The following DSCAM variants were observed in gnomAD, a reference collection of about 807,000 sequenced individuals.
The protein encoded by DSCAM is cell adhesion molecule DSCAM.
A neutral mutation model predicts 217.7 loss-of-function variants in DSCAM; 47 were observed. The ratio of observed to expected loss-of-function variants is 0.22; its 90% CI spans 0.17 to 0.28. DSCAM has a LOEUF of 0.28. DSCAM is among the 10% of genes least tolerant of loss of function. DSCAM has a pLI of 1.00. For synonymous variants in DSCAM, 1,056 were observed against 1,015.3 expected (o/e 1.04, Z -0.76); for missense variants, 2,080 against 2,618.3 (o/e 0.79, Z 4.49).
intron 1 of DSCAM, among the ~76,000 whole-genome samples, chr21:40,797,450 C>T (rs1031920335): frequency 2.0e-5 from 3 of 152,222 alleles, no homozygotes; most frequent in Admixed American, 2.0e-4. Flanking sequence ...GTGGAACAAC[C>T]ACTTGTGCAT....
At chr21:40,251,872 AAAAC>A (rs1255679250) in intron 11 of DSCAM, among the ~76,000 whole-genome samples, 1 of 152,198 alleles carries the variant, frequency 6.6e-6, no homozygotes, top group African/African-American at 2.4e-5. Flanking sequence ...AAAACAAAAC[AAAAC>A]AAACAAACGA....
At chr21:40,775,815 G>T (rs371252894) in intron 1 of DSCAM, among the ~76,000 whole-genome samples, 1 of 149,882 alleles carries the variant, frequency 6.7e-6, no homozygotes, top group Non-Finnish European at 1.5e-5. Flanking sequence ...ATCTGTGAAA[G>T]ATGCAATTTC....
intron 2 of DSCAM, among the ~76,000 whole-genome samples, chr21:40,697,344 T>A (rs1451627570): frequency 6.6e-6 from 1 of 152,212 alleles, no homozygotes; most frequent in Non-Finnish European, 1.5e-5. Flanking sequence ...CTTGATGTAA[T>A]CCTATTTGTC....
At position 40,089,944 on chromosome 21, in the gene DSCAM, G is replaced by C. The variant is rs116395634; in HGVS notation, c.3851-2657C>G. Among the ~76,000 whole-genome samples, 378 of 152,264 alleles carry C rather than the reference G, an allele frequency of 2.5e-3. 2 individuals are homozygous for C. The highest frequency in any genetic ancestry group is 8.7e-3 in the African/African-American group (363 of 41,548). On this transcript the variant is annotated intron_variant, in intron 21 of 32. Transcript: ENST00000400454. Reference sequence around the variant, plus strand: ...TAGGATCATCAACCTCAATTGAACTGTCAGCACTCCCTGCTGGTCTTACTG... The same window carrying C: ...TAGGATCATCAACCTCAATTGAACTCTCAGCACTCCCTGCTGGTCTTACTG...
chr21:40,138,483 GGTGTGTGTGGT>G (rs1169255352), intron 18 of DSCAM, among the ~76,000 whole-genome samples: 1 of 147,832 alleles, frequency 6.8e-6, no homozygotes, highest in African/African-American at 2.5e-5. Context: ...GTGTATTGGG[GGTGTGTGTGGT>G]GTGTGTGTGT....
In DSCAM at chr21:40,360,121, G is replaced by GTTTTTTTTTTTTTT. The variant is rs764160478; in HGVS notation, c.656-6379_656-6378insAAAAAAAAAAAAAA. Among the ~76,000 whole-genome samples, 10 of 82,632 alleles carry GTTTTTTTTTTTTTT rather than the reference G, an allele frequency of 1.2e-4. 5 individuals are homozygous for GTTTTTTTTTTTTTT. Among genetic ancestry groups the GTTTTTTTTTTTTTT allele is most frequent in the South Asian group, 8.3e-4 (2 of 2,414 alleles). 54.2% of individuals were successfully genotyped at this position (82,632 alleles called of 152,430 possible). On this transcript the variant is annotated intron_variant, in intron 4 of 32. Coordinates refer to ENST00000400454, the MANE Select transcript of DSCAM (RefSeq NM_001389.5). ...TAGTGAGCATGGTACTTCATAGGTAGTCTTTTTTTTTTTTTTTTTTTTTTT... is the reference window on the plus strand; with the variant it reads ...TAGTGAGCATGGTACTTCATAGGTAGTTTTTTTTTTTTTTTCTTTTTTTTTTTTTTTTTTTTTTT...
At chr21:40,089,893 A>G (rs1359496396) in intron 21 of DSCAM, among the ~76,000 whole-genome samples, 2 of 152,164 alleles carry the variant, frequency 1.3e-5, no homozygotes, top group African/African-American at 4.8e-5. Flanking sequence ...TCCACGCAAT[A>G]GAGCATTTGG....
At position 40,271,970 on chromosome 21, in the gene DSCAM, G is replaced by A. The variant is rs147456412; in HGVS notation, c.2356+4127C>T. Among the ~76,000 whole-genome samples, 49 of 152,084 alleles carry A rather than the reference G, an allele frequency of 3.2e-4. No individual in the cohort carries two copies. In the East Asian group the frequency reaches 8.3e-3, roughly 26 times the overall value. ...ATTTGGAGCCCTCAAAATCACCTTC[G>A]GAGAAAGGAATAGACCTGTCTCCTG... On this transcript the variant is annotated intron_variant, in intron 11 of 32. Coordinates refer to ENST00000400454, the MANE Select transcript of DSCAM (RefSeq NM_001389.5).
intron 3 of DSCAM, among the ~76,000 whole-genome samples, chr21:40,413,655 C>A (rs138862916): frequency 6.6e-6 from 1 of 152,280 alleles, no homozygotes; most frequent in Non-Finnish European, 1.5e-5. Context: ...ATGACTGAAA[C>A]AACTTTGAAT....
At position 40,142,648 on chromosome 21, in the gene DSCAM, A is replaced by C. The variant is rs774901667; in HGVS notation, c.3316T>G (p.Ser1106Ala). The change falls in exon 18 of 33, where the codon TCA (serine) becomes GCA (alanine). Residue 1106 changes from serine to alanine, a missense_variant. Around this residue, in one of 5 missense-constraint regions of DSCAM, gnomAD observed 1,144 missense variants for 1,421.1 expected, o/e 0.81. Coordinates refer to ENST00000400454, the MANE Select transcript of DSCAM (RefSeq NM_001389.5). ...QAIATSPESI[S>A]ISWSTLSKEA... is the part of the protein sequence containing the mutation. ...TTGGAAAGTGTGGACCAGGATATTGATATGCTTTCTGGTGATGTTGCTATG... is the reference window on the plus strand; with the variant it reads ...TTGGAAAGTGTGGACCAGGATATTGCTATGCTTTCTGGTGATGTTGCTATG... 71 of 1,614,064 alleles carry C rather than the reference A, an allele frequency of 4.4e-5. No homozygotes were observed. Among genetic ancestry groups the C allele is most frequent in the Non-Finnish European group, 7.6e-6 (9 of 1,180,038 alleles).
At chr21:40,471,495 A>C (rs953834161) in intron 3 of DSCAM, among the ~76,000 whole-genome samples, 3 of 152,226 alleles carry the variant, frequency 2.0e-5, no homozygotes, top group African/African-American at 7.2e-5. Flanking sequence ...CTAGGGTTAC[A>C]GTCTGCTCCG....
intron 3 of DSCAM, among the ~76,000 whole-genome samples, chr21:40,505,684 G>A (rs956291867): frequency 2.6e-5 from 4 of 152,184 alleles, no homozygotes; most frequent in African/African-American, 9.6e-5. Flanking sequence ...GGTACAGGGT[G>A]GCTGTCAGAA....
At chr21:40,546,766 A>C (rs2076586468) in intron 3 of DSCAM, among the ~76,000 whole-genome samples, 2 of 152,194 alleles carry the variant, frequency 1.3e-5, no homozygotes, top group Admixed American at 1.3e-4. Flanking sequence ...GTCTCATTTA[A>C]TATTTATTGG....
At position 40,112,565 on chromosome 21, in the gene DSCAM, T is replaced by G. The variant is rs886212723; in HGVS notation, c.3696+11630A>C. Reference sequence around the variant, plus strand: ...AGCAGAAGGCAAGAAATAGCTAAGATCAGAGCAGAACTGAATGAAATAGAG... The same window carrying G: ...AGCAGAAGGCAAGAAATAGCTAAGAGCAGAGCAGAACTGAATGAAATAGAG... On this transcript the variant is annotated intron_variant, in intron 20 of 32. Coordinates refer to ENST00000400454, the MANE Select transcript of DSCAM (RefSeq NM_001389.5). Among the ~76,000 whole-genome samples, 31 of 152,070 alleles carry G rather than the reference T, an allele frequency of 2.0e-4. 1 individual carries two copies. Among genetic ancestry groups the G allele is most frequent in the Admixed American group, 2.0e-3 (30 of 15,278 alleles).
chr21:40,043,686 C>T (rs1306265343), intron 31 of DSCAM, among the ~76,000 whole-genome samples: 2 of 152,230 alleles, frequency 1.3e-5, no homozygotes, highest in Admixed American at 1.3e-4. Flanking sequence ...CATGTAACTT[C>T]AAGTGCTGTG....
intron 8 of DSCAM, among the ~76,000 whole-genome samples, chr21:40,313,148 A>G (rs541198876): frequency 1.1e-4 from 17 of 152,046 alleles, no homozygotes; most frequent in African/African-American, 4.1e-4. Context: ...TAAAATAAAT[A>G]TTCCAATTTT....
chr21:40,508,765 ATATATATATATATATATATT>A (rs1189083390), intron 3 of DSCAM, among the ~76,000 whole-genome samples: 6 of 3,494 alleles, frequency 1.7e-3, no homozygotes, highest in East Asian at 0.014. Context: ...ATATATATAT[ATATATATATATATATATATT>A]TTTTTTTTTT....
chr21:40,810,410 T>G (rs542389434), intron 1 of DSCAM, among the ~76,000 whole-genome samples: 63 of 152,202 alleles, frequency 4.1e-4, no homozygotes, highest in Non-Finnish European at 1.9e-4. Context: ...TTAGAAGTTC[T>G]CCTTAACCCA....
intron 3 of DSCAM, among the ~76,000 whole-genome samples, chr21:40,641,287 A>C (rs2089875747): frequency 6.6e-6 from 1 of 151,982 alleles, no homozygotes; most frequent in Admixed American, 6.6e-5. Context: ...GTTTAAATCT[A>C]CCTCACGGAA....
Sources: gnomAD v4.1 joint callset for allele counts (sites outside exome capture counted in the v4.1 genomes callset) on GRCh38, gnomAD v4.1.1 for gene constraint, gnomAD v4.1.1 regional missense constraint, MANE v1.5 for transcripts, NCBI Gene and HGNC (gene_info 2026-07-23, HGNC 2026-07-21) for gene names.